The following OPN5 variants were observed in gnomAD, a reference collection of about 807,000 sequenced individuals.
OPN5 encodes the protein opsin 5, also known as opsin-5.
Under a neutral mutation model 41.7 loss-of-function variants are expected in OPN5, and 18 were observed. That is an observed-to-expected ratio of 0.43 (90% CI 0.30 to 0.64). The LOEUF is 0.64. Ranked by LOEUF, OPN5 falls within the 30% of genes least tolerant of loss-of-function variation. OPN5 has a pLI of 0.13. For missense variants in OPN5, 318 were observed against 434.5 expected (o/e 0.73, Z 2.38); for synonymous variants, 178 against 164.3 (o/e 1.08, Z -0.64).
chr6:47,786,684 T>A (rs770451156), intron 2 of OPN5, 50 bp downstream of exon 2: 1 of 1,548,166 alleles, frequency 6.5e-7, no homozygotes, highest in Non-Finnish European at 8.9e-7. Context: ...TACTCCCCAT[T>A]CTAAAGTACT....
intron 1 of OPN5, among the ~76,000 whole-genome samples, chr6:47,784,417 C>T (rs1362771768): frequency 2.6e-5 from 4 of 152,184 alleles, no homozygotes; most frequent in African/African-American, 9.7e-5. Flanking sequence ...GTGCCTCAAC[C>T]TCCTGAGTAG....
downstream of OPN5, chr6:47,826,073 A>T (rs933098659): frequency 6.6e-6 from 1 of 152,170 alleles, no homozygotes; most frequent in East Asian, 1.9e-4. Context: ...TTTGTTTAAT[A>T]TCTTTTAAAA....
At chr6:47,793,300 G>A (rs567982730) in intron 3 of OPN5, among the ~76,000 whole-genome samples, 3 of 152,218 alleles carry the variant, frequency 2.0e-5, no homozygotes, top group Admixed American at 6.5e-5. Context: ...AGATGATGCC[G>A]CCCACTGCCA....
At chr6:47,814,267 T>C (rs961019977) in intron 6 of OPN5, among the ~76,000 whole-genome samples, 9 of 151,898 alleles carry the variant, frequency 5.9e-5, no homozygotes, top group African/African-American at 2.2e-4. Flanking sequence ...CAGGTTGGTG[T>C]AGATTTGTCT....
chr6:47,784,084 AGAAAAACAG>A (rs1773140746), intron 1 of OPN5, among the ~76,000 whole-genome samples: 1 of 152,192 alleles, frequency 6.6e-6, no homozygotes, highest in Non-Finnish European at 1.5e-5. Context: ...AGATGGAGCC[AGAAAAACAG>A]GTTGAAAAAG....
At chr6:47,808,588 G>T (rs1774068338) in intron 5 of OPN5, among the ~76,000 whole-genome samples, 193 bp downstream of exon 5, 1 of 152,144 alleles carries the variant, frequency 6.6e-6, no homozygotes, top group African/African-American at 2.4e-5. Context: ...GTATGACATG[G>T]ATAGATAGTG....
intron 6 of OPN5, among the ~76,000 whole-genome samples, chr6:47,813,955 G>A (rs149908453): frequency 5.5e-4 from 83 of 151,996 alleles, no homozygotes; most frequent in African/African-American, 1.8e-3. Flanking sequence ...TGTTGAATGC[G>A]GAGCATTTGC....
intron 4 of OPN5, among the ~76,000 whole-genome samples, chr6:47,798,768 C>G (rs1348572030): frequency 1.3e-5 from 2 of 152,188 alleles, no homozygotes; most frequent in East Asian, 3.9e-4. Flanking sequence ...TTTTTAACTA[C>G]TACTCAATTT....
chr6:47,782,152 C>G, exon 1 of OPN5: 1 of 1,613,524 alleles, frequency 6.2e-7, no homozygotes, highest in East Asian at 2.2e-5. Flanking sequence ...TCCAAACTTT[C>G]TTGGGAAGCG....
intron 6 of OPN5, 49 bp downstream of exon 6, chr6:47,811,780 T>G (rs1774214725): frequency 8.1e-7 from 1 of 1,238,234 alleles, no homozygotes; most frequent in Admixed American, 1.7e-5. Context: ...TTCACTTATT[T>G]GCCTCTTCAC....
At chr6:47,787,135 C>A in intron 2 of OPN5, 1 of 980,514 alleles carries the variant, frequency 1.0e-6, no homozygotes, top group Non-Finnish European at 1.2e-6. Context: ...TATATGTAAT[C>A]ATGACTTAGT....
chr6:47,815,957 G>A (rs1022290584), intron 6 of OPN5, among the ~76,000 whole-genome samples: 2 of 152,048 alleles, frequency 1.3e-5, no homozygotes, highest in Admixed American at 6.6e-5. Flanking sequence ...TCTTTCCTTA[G>A]CCTGACAAAT....
At chr6:47,811,899 G>T in intron 6 of OPN5, 168 bp downstream of exon 6, 1 of 466,972 alleles carries the variant, frequency 2.1e-6, no homozygotes, top group Non-Finnish European at 3.8e-6. Context: ...ATGGCTAAAT[G>T]GAAACTAGAT....
chr6:47,813,557 A>AT (rs1762330049), intron 6 of OPN5, among the ~76,000 whole-genome samples: 1 of 152,010 alleles, frequency 6.6e-6, no homozygotes, highest in Non-Finnish European at 1.5e-5. Context: ...TGTTATATGG[A>AT]TTTTACCATG....
chr6:47,785,245 A>G (rs1773166778), intron 1 of OPN5, among the ~76,000 whole-genome samples: 1 of 152,176 alleles, frequency 6.6e-6, no homozygotes, highest in South Asian at 2.1e-4. Context: ...TTGCTTTCCT[A>G]GCTGGTTTCC....
rs531360267 is a variant in OPN5, at chr6:47,806,199, G to A, written c.757-1955G>A. Among the ~76,000 whole-genome samples the A allele has an allele frequency of 4.6e-5, 7 of 152,000 alleles. No homozygotes were observed. The South Asian group carries it at 8.3e-4, about 18-fold the overall frequency. ...AAACAACCCCCCCAAAAAACAAATA[G>A]GTGTCTTACTACGCAGAAGACAGAT... On this transcript the variant is annotated intron_variant, in intron 4 of 6. Coordinates refer to ENST00000371211, the Ensembl canonical transcript of OPN5.
intron 1 of OPN5, among the ~76,000 whole-genome samples, chr6:47,783,745 ACT>A (rs1190765507): frequency 1.3e-5 from 2 of 152,198 alleles, no homozygotes; most frequent in Non-Finnish European, 2.9e-5. Context: ...TGGAACAGAA[ACT>A]GTCTTATCTC....
In OPN5 at chr6:47,786,650, T is replaced by C; in HGVS notation, c.250+16T>C. The C allele has an allele frequency of 1.2e-6, 2 of 1,611,990 alleles. No individual in the cohort carries two copies. The highest frequency in any genetic ancestry group is 1.7e-6 in the Non-Finnish European group (2 of 1,178,498). On this transcript the variant is annotated intron_variant, in intron 2 of 6. Coordinates refer to ENST00000371211, the Ensembl canonical transcript of OPN5. ...GGGATTTCAGGTAACACAACCATGC[T>C]GTGTTTTCTTTGTGGGTTTAAACTA...
intron 4 of OPN5, among the ~76,000 whole-genome samples, chr6:47,800,761 G>T (rs572626908): frequency 1.3e-5 from 2 of 152,344 alleles, no homozygotes; most frequent in South Asian, 4.1e-4. Context: ...GGAAAGTCAA[G>T]ATGGGGGTGT....
Sources: gnomAD v4.1 joint callset for allele counts (sites outside exome capture counted in the v4.1 genomes callset) on GRCh38, gnomAD v4.1.1 for gene constraint, MANE v1.5 for transcripts, NCBI Gene and HGNC (gene_info 2026-07-23, HGNC 2026-07-21) for gene names.